Variants in EPB41L5 observed in about 807,000 individuals in gnomAD.
EPB41L5 encodes the protein band 4.1-like protein 5.
A neutral mutation model predicts 106.6 loss-of-function variants in EPB41L5; 55 were observed. That is an observed-to-expected ratio of 0.52 (90% confidence interval 0.42 to 0.65). The LOEUF (loss-of-function observed/expected upper bound fraction) is 0.65, where lower values mean the gene tolerates loss of function less well. Ranked by LOEUF, EPB41L5 falls within the 30% of genes least tolerant of loss-of-function variation. The pLI is 0.00. For missense variants in EPB41L5, 871 were observed against 882.1 expected (o/e 0.99, Z 0.16); for synonymous variants, 297 against 306.7 (o/e 0.97, Z 0.33).
chr2:120,146,102 A>T, intron 19 of EPB41L5, 123 bp from the exon 20 acceptor site: 1 of 635,282 alleles, frequency 1.6e-6, no homozygotes, highest in Admixed American at 2.6e-5. Context: ...ATAAGGTATG[A>T]TTACCTCTTA....
At chr2:120,104,052 C>A (rs1684304191) in intron 16 of EPB41L5, 1 of 1,527,016 alleles carries the variant, frequency 6.5e-7, no homozygotes, top group African/African-American at 1.4e-5. Flanking sequence ...CACTCCCCAA[C>A]CATCCAGGCT....
chr2:120,118,088 T>C (rs1035264253), intron 16 of EPB41L5, among the ~76,000 whole-genome samples: 4 of 152,230 alleles, frequency 2.6e-5, no homozygotes, highest in African/African-American at 9.6e-5. Flanking sequence ...TCCTCACTGC[T>C]ACATTTTAGA....
chr2:120,176,669 G>A lies in EPB41L5; in HGVS notation c.*1762G>A, dbSNP rs954940250. ...TAGGACATATTTTCTCAAAGCTGAA[G>A]GTGACACCTAGAACCAGGGGCTTGA... On this transcript the variant is annotated 3_prime_UTR_variant, in exon 25 of 25. Transcript: ENST00000263713. 6.6e-6 allele frequency: 1 copy of A among 152,210 alleles called. No homozygotes were observed. Among genetic ancestry groups the A allele is most frequent in the African/African-American group, 2.4e-5 (1 of 41,452 alleles). The allele number at this position is 152,210 out of a possible 1,614,324, so 9.4% of individuals were successfully genotyped here.
intron 3 of EPB41L5, among the ~76,000 whole-genome samples, chr2:120,047,082 A>G (rs1679833602): frequency 6.6e-6 from 1 of 152,182 alleles, no homozygotes; most frequent in Non-Finnish European, 1.5e-5. Context: ...TATGGTATGA[A>G]GTCAGGTAGC....
intron 18 of EPB41L5, among the ~76,000 whole-genome samples, chr2:120,140,017 A>G (rs551697351): frequency 3.3e-5 from 5 of 152,234 alleles, no homozygotes; most frequent in African/African-American, 1.2e-4. Flanking sequence ...ATTTGCAACA[A>G]CATGGATGGA....
At chr2:120,099,929 G>T (rs76509706) in intron 14 of EPB41L5, among the ~76,000 whole-genome samples, 1 of 152,150 alleles carries the variant, frequency 6.6e-6, no homozygotes, top group African/African-American at 2.4e-5. Flanking sequence ...TGCTGTCTTT[G>T]TTAGGCCATC....
rs5833813 is a variant in EPB41L5 at position 120,057,745 on chromosome 2, C to CTT, written c.286-15425_286-15424dup. 2.2e-3 allele frequency among the ~76,000 whole-genome samples: 329 copies of CTT among 150,200 alleles called. 2 individuals carry two copies. The highest frequency in any genetic ancestry group is 3.9e-3 in the Non-Finnish European group (260 of 67,442). On this transcript the variant is annotated intron_variant, in intron 3 of 24. Transcript: ENST00000263713. ...TTCTTGATGAAGGCTTAGGGAAACA[C>CTT]TTTTTTTTTGCTGTCATAAAAATAG...
chr2:120,117,336 C>T (rs1169461492), intron 16 of EPB41L5, among the ~76,000 whole-genome samples: 2 of 152,208 alleles, frequency 1.3e-5, no homozygotes, highest in Non-Finnish European at 2.9e-5. Flanking sequence ...ATCTAAGTGA[C>T]ATTTAGTATT....
chr2:120,073,416 A>G (rs1239062287), intron 4 of EPB41L5, among the ~76,000 whole-genome samples, 196 bp downstream of exon 4: 4 of 152,190 alleles, frequency 2.6e-5, no homozygotes, highest in African/African-American at 9.7e-5. Flanking sequence ...ATTAAACTGC[A>G]TTGGGGCTTA....
intron 3 of EPB41L5, among the ~76,000 whole-genome samples, chr2:120,070,871 A>T (rs1681815811): frequency 6.6e-6 from 1 of 152,226 alleles, no homozygotes; most frequent in Admixed American, 6.5e-5. Flanking sequence ...ACAAACCCAC[A>T]GCCAATATCA....
intron 16 of EPB41L5, chr2:120,105,707 C>T (rs1221409601): frequency 2.0e-6 from 2 of 985,312 alleles, no homozygotes; most frequent in African/African-American, 3.5e-5. Flanking sequence ...CTCTTTAAGC[C>T]CATCATCGTT....
chr2:120,115,260 T>C (rs1684894847), intron 16 of EPB41L5, among the ~76,000 whole-genome samples: 1 of 152,244 alleles, frequency 6.6e-6, no homozygotes, highest in African/African-American at 2.4e-5. Context: ...TCAGTGTACT[T>C]ACTGATAAGG....
intron 2 of EPB41L5, among the ~76,000 whole-genome samples, chr2:120,026,732 G>A (rs1678347810): frequency 6.6e-6 from 1 of 152,144 alleles, no homozygotes; most frequent in Admixed American, 6.5e-5. Context: ...TAAATAAATT[G>A]GACTTCATCA....
At chr2:120,113,269 T>C (rs1684802014) in intron 16 of EPB41L5, among the ~76,000 whole-genome samples, 1 of 152,200 alleles carries the variant, frequency 6.6e-6, no homozygotes, top group Admixed American at 6.5e-5. Context: ...TGCAAGAACC[T>C]AACTAGATAA....
intron 5 of EPB41L5, among the ~76,000 whole-genome samples, chr2:120,074,998 T>A (rs928066045): frequency 2.0e-5 from 3 of 152,114 alleles, no homozygotes; most frequent in Non-Finnish European, 4.4e-5. Context: ...CCAGCCAATT[T>A]GCGTATTTTA....
Position 120,151,639 on chromosome 2 carries a change from G to A in EPB41L5, c.1793+5350G>A, listed in dbSNP as rs1355196739. 1.8e-4 allele frequency among the ~76,000 whole-genome samples: 25 copies of A among 135,180 alleles called. 1 individual carries two copies. The highest frequency in any genetic ancestry group is 4.4e-4 in the East Asian group (2 of 4,512). The allele number at this position is 135,180 out of a possible 152,430, so 88.7% of individuals were successfully genotyped here. A position where few individuals can be genotyped will look rare whatever the true frequency, so the allele number is the denominator to read the frequency against. On this transcript the variant is annotated intron_variant, in intron 20 of 24. Transcript: ENST00000263713. ...TTTTTTTTTTTTTTTTTTTAAAGAC[G>A]GAGTCTTGCTCTTGTCACCCAGGCT...
At position 120,100,815 on chromosome 2, in the gene EPB41L5, G is replaced by T; in HGVS notation, c.1337+1G>T. 1 of 1,572,326 alleles carries T rather than the reference G, an allele frequency of 6.4e-7. No homozygotes were observed. Among genetic ancestry groups the T allele is most frequent in the Non-Finnish European group, 8.7e-7 (1 of 1,151,018 alleles). ...GAACAGACCAGCATGACAGGAAATG[G>T]TTTGTTAATTCCTTAAACTAAAATA... On this transcript the variant is annotated splice_donor_variant, in intron 16 of 24. Transcript: ENST00000263713. LOFTEE classifies it high-confidence loss of function.
intron 7 of EPB41L5, 28 bp downstream of exon 7, chr2:120,075,781 G>T: frequency 6.4e-7 from 1 of 1,555,802 alleles, no homozygotes; most frequent in South Asian, 1.1e-5. Flanking sequence ...TGACTGTTAA[G>T]ACTCAAGTAT....
intron 17 of EPB41L5, among the ~76,000 whole-genome samples, chr2:120,129,975 G>C (rs1349337272): frequency 6.6e-6 from 1 of 152,086 alleles, no homozygotes; most frequent in Admixed American, 6.6e-5. Flanking sequence ...GCAAAACCCA[G>C]TCTCTACTAA....
Sources: gnomAD v4.1 joint callset for allele counts (sites outside exome capture counted in the v4.1 genomes callset) on GRCh38, gnomAD v4.1.1 for gene constraint, MANE v1.5 for transcripts, NCBI Gene and HGNC (gene_info 2026-07-23, HGNC 2026-07-21) for gene names.